The following SLCO3A1 variants were observed in gnomAD, a reference collection of about 807,000 sequenced individuals.
The protein encoded by SLCO3A1 is PGE1 transporter.
Under a neutral mutation model 63.1 loss-of-function variants are expected in SLCO3A1, and 27 were observed. That is an observed-to-expected ratio of 0.43 (90% CI 0.32 to 0.59). SLCO3A1 has a LOEUF of 0.59. SLCO3A1 is among the 20% of genes least tolerant of loss of function. The pLI, the probability that SLCO3A1 is intolerant of heterozygous loss-of-function variation, is 0.09. For missense variants in SLCO3A1, 773 were observed against 945.8 expected (o/e 0.82, Z 2.40); for synonymous variants, 473 against 409.9 (o/e 1.15, Z -1.86).
In SLCO3A1 at chr15:91,915,983, C is replaced by T. The variant is rs1413956811; in HGVS notation, c.181-10C>T. 3.1e-6 allele frequency: 5 copies of T among 1,603,544 alleles called. No individual in the cohort carries two copies. The highest frequency in any genetic ancestry group is 1.3e-5 in the African/African-American group (1 of 74,358). On this transcript the variant is annotated splice_polypyrimidine_tract_variant and intron_variant, in intron 1 of 9. Transcript: ENST00000318445. ...GGATTGGCTCTGACCTTTCTTCTTG[C>T]CCCCCTCAGGTGAGCGTCCTGACCA...
chr15:92,125,262 C>T (rs931778513), intron 5 of SLCO3A1, among the ~76,000 whole-genome samples: 12 of 152,092 alleles, frequency 7.9e-5, no homozygotes, highest in African/African-American at 1.9e-4. Flanking sequence ...ATAAATGACA[C>T]GTAGCAATTG....
intron 2 of SLCO3A1, among the ~76,000 whole-genome samples, chr15:92,052,476 T>C (rs1235729949): frequency 6.6e-6 from 1 of 152,148 alleles, no homozygotes; most frequent in Non-Finnish European, 1.5e-5. Context: ...CCAGTCCAAA[T>C]GCCAGGCTAG....
intron 2 of SLCO3A1, among the ~76,000 whole-genome samples, chr15:91,991,425 G>C (rs2046125102): frequency 6.6e-6 from 1 of 152,116 alleles, no homozygotes; most frequent in Non-Finnish European, 1.5e-5. Context: ...CACCTTTTAG[G>C]CTAACATTGT....
At chr15:92,167,216 A>C (rs927432226), downstream of SLCO3A1, among the ~76,000 whole-genome samples, 1 of 152,220 alleles carries the variant, frequency 6.6e-6, no homozygotes, top group Non-Finnish European at 1.5e-5. Flanking sequence ...GGAGAACCAC[A>C]TATCTGGCCA....
intron 9 of SLCO3A1, among the ~76,000 whole-genome samples, chr15:92,159,535 T>G (rs2048411464): frequency 1.3e-5 from 2 of 150,788 alleles, no homozygotes; most frequent in African/African-American, 2.4e-5. Context: ...TCTGAAATAT[T>G]GAACAGAGCA....
chr15:92,081,637 G>T (rs1017732208), intron 2 of SLCO3A1, among the ~76,000 whole-genome samples: 32 of 152,158 alleles, frequency 2.1e-4, no homozygotes, highest in African/African-American at 7.0e-4. Context: ...CAAAGTCCTG[G>T]GATTACAGGT....
intron 2 of SLCO3A1, among the ~76,000 whole-genome samples, chr15:92,014,707 C>T (rs1412241788): frequency 6.6e-6 from 1 of 152,080 alleles, no homozygotes; most frequent in Non-Finnish European, 1.5e-5. Context: ...CCTAGTCTGC[C>T]AGGCTATATG....
At chr15:91,963,202 A>G (rs964212219) in intron 2 of SLCO3A1, among the ~76,000 whole-genome samples, 2 of 152,100 alleles carry the variant, frequency 1.3e-5, no homozygotes, top group East Asian at 3.9e-4. Context: ...AGGCCCGGGA[A>G]AGTCCTAGGC....
rs1448326526 is a variant in SLCO3A1, at chr15:92,004,896, C to G, written c.646+88438C>G. On this transcript the variant is annotated intron_variant, in intron 2 of 9. Transcript: ENST00000318445. ...TTCTGTCTGGCAGAGAGCAGAAGAA[C>G]ACTCCAAGTGTGGTCTATGGCTCTA... Among the ~76,000 whole-genome samples the G allele has an allele frequency of 5.9e-5, 9 of 152,296 alleles. No individual in the cohort carries two copies. In the East Asian group the frequency reaches 1.5e-3, roughly 26 times the overall value.
chr15:92,124,832 C>G (rs925545784), intron 5 of SLCO3A1, among the ~76,000 whole-genome samples: 2 of 152,120 alleles, frequency 1.3e-5, no homozygotes, highest in African/African-American at 4.8e-5. Context: ...GCAAGTGTCC[C>G]AGGAGAGGGA....
intron 4 of SLCO3A1, among the ~76,000 whole-genome samples, chr15:92,117,891 C>A (rs1459689065): frequency 1.3e-5 from 2 of 152,232 alleles, no homozygotes; most frequent in Non-Finnish European, 2.9e-5. Flanking sequence ...AAATATTTCA[C>A]AGTCAGGATT....
intron 2 of SLCO3A1, among the ~76,000 whole-genome samples, chr15:91,938,150 C>G (rs964570082): frequency 8.5e-5 from 13 of 152,150 alleles, no homozygotes; most frequent in African/African-American, 3.1e-4. Context: ...TGCCAGTGAC[C>G]CTGCACAAGC....
rs557048442 is a variant in SLCO3A1 at position 91,865,575 on chromosome 15, C to T, written c.180+11487C>T. On this transcript the variant is annotated intron_variant, in intron 1 of 9. Coordinates refer to ENST00000318445, the MANE Select transcript of SLCO3A1 (RefSeq NM_013272.4). This position sits in a 1 kb window ranked among gnomAD's most constrained non-coding sequence, Gnocchi z 4.6. ...TCCCTCCTAGACCCTGCGTAGAACCCTTCCTTGCCTCTTCATGGCATGTGG... is the reference window on the plus strand; with the variant it reads ...TCCCTCCTAGACCCTGCGTAGAACCTTTCCTTGCCTCTTCATGGCATGTGG... 4.6e-5 allele frequency among the ~76,000 whole-genome samples: 7 copies of T among 152,220 alleles called. No individual in the cohort carries two copies. Among genetic ancestry groups the T allele is most frequent in the Non-Finnish European group, 1.0e-4 (7 of 68,032 alleles).
chr15:92,071,077 C>T (rs2047210124), intron 2 of SLCO3A1, among the ~76,000 whole-genome samples: 1 of 152,088 alleles, frequency 6.6e-6, no homozygotes, highest in African/African-American at 2.4e-5. Context: ...CTCTTTTGCC[C>T]CCTTTTCTGG....
At chr15:92,171,819 C>A (rs1327924435) in exon 11 of SLCO3A1, 1 of 1,551,498 alleles carries the variant, frequency 6.4e-7, no homozygotes, top group African/African-American at 1.4e-5. Flanking sequence ...AAAACCTGCC[C>A]CGAATCACAT....
chr15:92,002,786 T>C (rs1373021743), intron 2 of SLCO3A1, among the ~76,000 whole-genome samples: 1 of 152,230 alleles, frequency 6.6e-6, no homozygotes, highest in East Asian at 1.9e-4. Flanking sequence ...TTCAATTAAA[T>C]AAACTTAATT....
rs1897151106 is a variant in SLCO3A1 at position 91,865,801 on chromosome 15, T to A, written c.180+11713T>A. 6.6e-6 allele frequency among the ~76,000 whole-genome samples: 1 copy of A among 152,196 alleles called. No individual in the cohort carries two copies. The highest frequency in any genetic ancestry group is 2.1e-4 in the South Asian group (1 of 4,826). ...TCCTCGTTTCCAAATTAGGTCACAT[T>A]CACAGGCACTAAGAGTTAGGACTTC... On this transcript the variant is annotated intron_variant, in intron 1 of 9. Coordinates refer to ENST00000318445, the MANE Select transcript of SLCO3A1 (RefSeq NM_013272.4). The surrounding 1 kb of genome is among the most constrained non-coding windows in gnomAD (Gnocchi z 4.6).
intron 7 of SLCO3A1, among the ~76,000 whole-genome samples, chr15:92,139,923 A>C: frequency 6.7e-6 from 1 of 148,296 alleles, no homozygotes; most frequent in South Asian, 2.2e-4. Context: ...CTTTCAAAAA[A>C]CCAGCTCCTG....
intron 2 of SLCO3A1, among the ~76,000 whole-genome samples, chr15:91,991,344 G>C (rs568267829): frequency 6.6e-5 from 10 of 151,956 alleles, no homozygotes; most frequent in Non-Finnish European, 1.3e-4. Flanking sequence ...GTGGGCAACA[G>C]AACGAAACCA....
Sources: allele counts gnomAD v4.1 joint callset (sites outside exome capture counted in the v4.1 genomes callset), GRCh38; gene constraint gnomAD v4.1.1; non-coding constraint Gnocchi (gnomAD v3.1); transcripts MANE v1.5; gene names NCBI Gene and HGNC (gene_info 2026-07-23, HGNC 2026-07-21).